Variants in ACADM observed in about 807,000 individuals in gnomAD.
The protein encoded by ACADM is medium-chain specific acyl-CoA dehydrogenase, mitochondrial.
In ACADM, 49 loss-of-function variants were observed where a neutral mutation model predicts 58.9. That is an observed-to-expected ratio of 0.83 (90% CI 0.66 to 1.06). ACADM has a LOEUF of 1.06. Ranked by LOEUF, ACADM falls within the 50% of genes least tolerant of loss-of-function variation. The pLI, the probability that ACADM is intolerant of heterozygous loss-of-function variation, is 0.00. For synonymous variants in ACADM, 160 were observed against 157.7 expected (o/e 1.01, Z -0.11); for missense variants, 496 against 507.0 (o/e 0.98, Z 0.21).
intron 2 of ACADM, among the ~76,000 whole-genome samples, chr1:75,731,979 C>T (rs531103636): frequency 2.8e-4 from 43 of 152,224 alleles, no homozygotes; most frequent in African/African-American, 9.4e-4. Flanking sequence ...TGGCAAAACC[C>T]TGTATCTACA....
chr1:75,734,179 T>G, intron 5 of ACADM, among the ~76,000 whole-genome samples: 1 of 145,450 alleles, frequency 6.9e-6, no homozygotes, highest in East Asian at 2.0e-4. Context: ...TTTTTTTTTT[T>G]TTGAGACGGA....
intron 10 of ACADM, among the ~76,000 whole-genome samples, chr1:75,759,592 T>C (rs1648705768): frequency 6.6e-6 from 1 of 151,966 alleles, no homozygotes; most frequent in Non-Finnish European, 1.5e-5. Flanking sequence ...CTTTTAGTTG[T>C]CCTTTCCTCT....
chr1:75,737,274 A>T (rs1647300446), intron 6 of ACADM, among the ~76,000 whole-genome samples: 1 of 98,734 alleles, frequency 1.0e-5, no homozygotes, highest in Non-Finnish European at 1.9e-5. Context: ...CCACACACAC[A>T]CACAAATATA....
At chr1:75,744,510 C>G in intron 7 of ACADM, 1 of 1,529,818 alleles carries the variant, frequency 6.5e-7, no homozygotes, top group Non-Finnish European at 9.1e-7. Flanking sequence ...CAGCTTTCTC[C>G]CACCTGACAT....
chr1:75,744,304 G>A, intron 7 of ACADM: 1 of 1,613,522 alleles, frequency 6.2e-7, no homozygotes, highest in Non-Finnish European at 8.5e-7. Context: ...AGCAGCAGGA[G>A]CTTCAGCCGG....
At chr1:75,751,752 G>C (rs187525670) in intron 10 of ACADM, among the ~76,000 whole-genome samples, 3 of 152,122 alleles carry the variant, frequency 2.0e-5, no homozygotes, top group African/African-American at 7.2e-5. Flanking sequence ...GCCTGCCTCG[G>C]CCTCCCAAAG....
At chr1:75,737,683 A>G (rs1029698125) in intron 6 of ACADM, among the ~76,000 whole-genome samples, 2 of 152,088 alleles carry the variant, frequency 1.3e-5, no homozygotes, top group East Asian at 3.9e-4. Context: ...ACATGTTTTT[A>G]TACCTCAGGT....
chr1:75,751,595 T>A (rs1648208616), intron 10 of ACADM, among the ~76,000 whole-genome samples: 1 of 151,654 alleles, frequency 6.6e-6, no homozygotes, highest in Non-Finnish European at 1.5e-5. Flanking sequence ...ACCTCCTGTG[T>A]TCAAGTGATT....
intron 7 of ACADM, chr1:75,743,442 G>T: frequency 6.2e-7 from 1 of 1,610,446 alleles, no homozygotes; most frequent in Non-Finnish European, 8.5e-7. Flanking sequence ...GGAGGACTCT[G>T]GGATCCTCTA....
chr1:75,732,586 T>A, intron 2 of ACADM, 58 bp from the exon 3 acceptor site: 1 of 1,316,026 alleles, frequency 7.6e-7, no homozygotes, highest in Non-Finnish European at 1.1e-6. Context: ...CATACTGACT[T>A]CATAGGACAT....
intron 11 of ACADM, among the ~76,000 whole-genome samples, chr1:75,761,830 T>C (rs762773840): frequency 3.9e-5 from 6 of 152,160 alleles, no homozygotes; most frequent in Non-Finnish European, 8.8e-5. Flanking sequence ...TAGGAGGAAT[T>C]CAGTAAAAGG....
chr1:75,749,497 T>G lies in ACADM; in HGVS notation c.787T>G (p.Leu263Val), dbSNP rs1328106094. ...TGTGAAAGTGCCTAAAGAAAATGTT[T>G]TAATTGGTGACGGAGCTGGTTTCAA... is the stretch of plus-strand genomic sequence containing the variant. ...EDVKVPKENV[L>V]IGDGAGFKVA... The change falls in exon 9 of 12, where the codon TTA becomes GTA. Residue 263 changes from leucine (L) to valine (V), a missense_variant. Transcript: ENST00000370841. The G allele has an allele frequency of 6.2e-7, 1 of 1,613,952 alleles. No homozygotes were observed. Among genetic ancestry groups the G allele is most frequent in the African/African-American group, 1.3e-5 (1 of 74,894 alleles).
intron 10 of ACADM, among the ~76,000 whole-genome samples, chr1:75,753,842 G>C (rs1258990152): frequency 7.9e-6 from 1 of 126,200 alleles, no homozygotes; most frequent in Non-Finnish European, 1.6e-5. Flanking sequence ...TATTGCCCAG[G>C]CTGGAGTGCA....
chr1:75,737,281 TATATATATATATATATATATATATATATA>T (rs1405774334), intron 6 of ACADM, among the ~76,000 whole-genome samples: 5 of 20,108 alleles, frequency 2.5e-4, no homozygotes, highest in African/African-American at 5.5e-4. Flanking sequence ...CACACACAAA[TATATATATATATATATATATATATATATA>T]TATATATATA....
rs875989870 is a variant in ACADM, at chr1:75,734,933, C to T, written c.468+62C>T. On this transcript the variant is annotated intron_variant, in intron 6 of 11. Coordinates refer to ENST00000370841, the MANE Select transcript of ACADM (RefSeq NM_000016.6). ...AGAAGGGAACAAAGGTGCTATTTCTCCTTTTCAGTCTATATGTATATATTG... is the reference window on the plus strand; with the variant it reads ...AGAAGGGAACAAAGGTGCTATTTCTTCTTTTCAGTCTATATGTATATATTG... The T allele has an allele frequency of 2.7e-5, 34 of 1,236,654 alleles. No individual in the cohort carries two copies. The African/African-American group carries it at 3.7e-4, about 14-fold the overall frequency. 76.6% of individuals were successfully genotyped at this position (1,236,654 alleles called of 1,614,324 possible). A position where few individuals can be genotyped will look rare whatever the true frequency, so the allele number is the denominator to read the frequency against.
chr1:75,732,366 A>G (rs1196866631), intron 2 of ACADM: 5 of 352,296 alleles, frequency 1.4e-5, no homozygotes, highest in Non-Finnish European at 2.1e-5. Flanking sequence ...TATATCACCA[A>G]TTGGAAAAGA....
At chr1:75,761,707 G>A in intron 11 of ACADM, 1 of 275,552 alleles carries the variant, frequency 3.6e-6, no homozygotes, top group South Asian at 4.3e-5. Flanking sequence ...ATTTTGATTT[G>A]AATCTTGCCT....
At chr1:75,752,101 G>A (rs57443433) in intron 10 of ACADM, among the ~76,000 whole-genome samples, 7,305 of 150,730 alleles carry the variant, frequency 0.048, 262 homozygotes, top group African/African-American at 0.11. Flanking sequence ...TCCCACCTCA[G>A]CCTCCTAAAT....
At chr1:75,734,666 G>T (rs1430568150) in intron 5 of ACADM, 125 bp from the exon 6 acceptor site, 1 of 724,254 alleles carries the variant, frequency 1.4e-6, no homozygotes. Context: ...CAAGGTATAG[G>T]CCAGTTCTTT....
Sources: gnomAD v4.1 joint callset for allele counts (sites outside exome capture counted in the v4.1 genomes callset) on GRCh38, gnomAD v4.1.1 for gene constraint, MANE v1.5 for transcripts, NCBI Gene and HGNC (gene_info 2026-07-23, HGNC 2026-07-21) for gene names.